Variants in PASD1 observed in about 807,000 individuals in gnomAD.
The protein encoded by PASD1 is PAS domain containing repressor 1, also known as circadian clock protein PASD1.
PASD1 carries 13 observed loss-of-function variants against 58.8 expected under a neutral mutation model. That is an observed-to-expected ratio of 0.22 (90% CI 0.14 to 0.35). The LOEUF (loss-of-function observed/expected upper bound fraction) is 0.35. Ranked by LOEUF, PASD1 falls within the 10% of genes least tolerant of loss-of-function variation. The pLI is 1.00. For missense variants in PASD1, 734 were observed against 568.3 expected (o/e 1.29, Z -2.96); for synonymous variants, 236 against 216.7 (o/e 1.09, Z -0.78).
intron 10 of PASD1, among the ~76,000 whole-genome samples, chrX:151,663,753 T>C (rs908653626): frequency 4.5e-5 from 5 of 112,238 alleles, no homozygotes; most frequent in Non-Finnish European, 5.6e-5. Context: ...GGTCCCACAT[T>C]CTGGGCAACC....
intron 1 of PASD1, among the ~76,000 whole-genome samples, chrX:151,565,771 G>C (rs2012832010): frequency 9.0e-6 from 1 of 110,763 alleles, no homozygotes; most frequent in African/African-American, 3.3e-5. Flanking sequence ...TGTTAGCCAG[G>C]ATGGTCTCGA....
rs1271726729 is a variant in PASD1 at position 151,615,629 on chromosome X, AT to A, written c.207+3877del. 2.6e-4 allele frequency among the ~76,000 whole-genome samples: 29 copies of A among 111,500 alleles called. 1 individual carries two copies. Among genetic ancestry groups the A allele is most frequent in the Non-Finnish European group, 5.3e-4 (28 of 53,121 alleles). On this transcript the variant is annotated intron_variant, in intron 4 of 15. Coordinates refer to ENST00000370357, the MANE Select transcript of PASD1 (RefSeq NM_173493.3). ...TAAGTCATCCAACTTATATTATAAA[AT>A]GGAGACTGAACCATTTCTAGAGTGT...
intron 9 of PASD1, 135 bp downstream of exon 9, chrX:151,648,837 T>G (rs2014095873): frequency 2.1e-5 from 15 of 710,904 alleles, no homozygotes; most frequent in Non-Finnish European, 3.0e-5. Flanking sequence ...GTTGCCATCT[T>G]GTAGACATTT....
rs148605751 is a variant in PASD1 at position 151,606,737 on chromosome X, G to A, written c.117+2003G>A. Reference sequence around the variant, plus strand: ...GGTCCAGACTAACTCAGAGCAAACCGTCTCAGTAGAGAATGTGGTAATCAA... The same window carrying A: ...GGTCCAGACTAACTCAGAGCAAACCATCTCAGTAGAGAATGTGGTAATCAA... On this transcript the variant is annotated intron_variant, in intron 3 of 15. Coordinates refer to ENST00000370357, the MANE Select transcript of PASD1 (RefSeq NM_173493.3). Among the ~76,000 whole-genome samples, 802 of 110,220 alleles carry A rather than the reference G, an allele frequency of 7.3e-3. 12 individuals are homozygous for A. The highest frequency in any genetic ancestry group is 0.026 in the African/African-American group (774 of 30,335).
chrX:151,654,020 G>A (rs2014205372), intron 9 of PASD1, among the ~76,000 whole-genome samples: 1 of 98,994 alleles, frequency 1.0e-5, no homozygotes, highest in African/African-American at 3.7e-5. Context: ...TGCCCAGACT[G>A]GAATGCAGTG....
intron 1 of PASD1, among the ~76,000 whole-genome samples, chrX:151,599,907 G>A (rs1050163882): frequency 1.8e-5 from 2 of 111,972 alleles, no homozygotes; most frequent in African/African-American, 3.2e-5. Flanking sequence ...GGGAGGCCAA[G>A]GCAGGCGGCT....
intron 11 of PASD1, among the ~76,000 whole-genome samples, chrX:151,666,194 C>A (rs1414619037): frequency 9.1e-6 from 1 of 109,337 alleles, no homozygotes. Context: ...GTTGTAAATT[C>A]TTTATCGATC....
intron 1 of PASD1, among the ~76,000 whole-genome samples, chrX:151,570,954 A>G (rs1446061207): frequency 1.8e-5 from 2 of 111,874 alleles, no homozygotes; most frequent in Non-Finnish European, 3.8e-5. Context: ...AATGCTGTAC[A>G]GCCTCAAACA....
At chrX:151,602,563 G>T (rs1385253633) in intron 2 of PASD1, among the ~76,000 whole-genome samples, 1 of 110,391 alleles carries the variant, frequency 9.1e-6, no homozygotes, top group Non-Finnish European at 1.9e-5. Flanking sequence ...GGGTGTGATG[G>T]CAGGTACCTG....
chrX:151,567,985 A>G (rs1459577759), intron 1 of PASD1, among the ~76,000 whole-genome samples: 1 of 111,992 alleles, frequency 8.9e-6, no homozygotes, highest in East Asian at 2.8e-4. Context: ...TCGGCCTCCC[A>G]AAGTTCTGGG....
intron 9 of PASD1, among the ~76,000 whole-genome samples, chrX:151,650,656 T>G (rs1188132978): frequency 8.9e-6 from 1 of 111,915 alleles, no homozygotes; most frequent in East Asian, 2.8e-4. Context: ...GGGGCCAGGT[T>G]AACTTGCCTA....
At chrX:151,668,616 G>T (rs963428694) in intron 11 of PASD1, among the ~76,000 whole-genome samples, 4 of 111,165 alleles carry the variant, frequency 3.6e-5, no homozygotes, top group Non-Finnish European at 7.5e-5. Context: ...AGAAGAAATG[G>T]ATAAATTCCT....
intron 1 of PASD1, among the ~76,000 whole-genome samples, chrX:151,597,927 A>G (rs1037307987): frequency 9.0e-6 from 1 of 111,381 alleles, no homozygotes; most frequent in Non-Finnish European, 1.9e-5. Flanking sequence ...AGAGGGTTTT[A>G]CCATGTTGCC....
In PASD1 at chrX:151,672,710, C is replaced by T. The variant is rs1226536990; in HGVS notation, c.1916+49C>T. 6 of 1,184,481 alleles carry T rather than the reference C, an allele frequency of 5.1e-6. No homozygotes were observed. In the Admixed American group the frequency reaches 1.4e-4, roughly 27 times the overall value. On this transcript the variant is annotated intron_variant, in intron 14 of 15. Coordinates refer to ENST00000370357, the MANE Select transcript of PASD1 (RefSeq NM_173493.3). Reference sequence around the variant, plus strand: ...TAGTGGCTATGATTATTGCTTTTCCCTCATGGCTGGATCCCATGCCTGAGA... The same window carrying T: ...TAGTGGCTATGATTATTGCTTTTCCTTCATGGCTGGATCCCATGCCTGAGA...
At chrX:151,629,019 T>A (rs1332538522) in intron 8 of PASD1, among the ~76,000 whole-genome samples, 1 of 112,017 alleles carries the variant, frequency 8.9e-6, no homozygotes, top group East Asian at 2.8e-4. Flanking sequence ...TAAGAATGCT[T>A]GTGATTTTTG....
chrX:151,595,126 G>C (rs2013302439), intron 1 of PASD1, among the ~76,000 whole-genome samples: 1 of 111,278 alleles, frequency 9.0e-6, no homozygotes, highest in Non-Finnish European at 1.9e-5. Flanking sequence ...TATTTTATTG[G>C]GTTCACCAAT....
intron 9 of PASD1, among the ~76,000 whole-genome samples, chrX:151,652,017 G>T (rs2014134171): frequency 8.9e-6 from 1 of 111,904 alleles, no homozygotes; most frequent in African/African-American, 3.2e-5. Context: ...TTTTAAATGT[G>T]TTTATTTTTA....
intron 7 of PASD1, among the ~76,000 whole-genome samples, chrX:151,623,985 C>T (rs1203864141): frequency 1.8e-5 from 2 of 111,343 alleles, no homozygotes; most frequent in Non-Finnish European, 3.8e-5. Context: ...CCATGGTAAT[C>T]AGTTTGGGTT....
intron 1 of PASD1, among the ~76,000 whole-genome samples, chrX:151,599,950 G>A (rs1238223230): frequency 1.8e-5 from 2 of 111,706 alleles, no homozygotes; most frequent in Non-Finnish European, 3.8e-5. Flanking sequence ...CCGAGATCAC[G>A]CCACTGCACA....
Sources: allele counts gnomAD v4.1 joint callset (sites outside exome capture counted in the v4.1 genomes callset), GRCh38; gene constraint gnomAD v4.1.1; transcripts MANE v1.5; gene names NCBI Gene and HGNC (gene_info 2026-07-23, HGNC 2026-07-21).